SPRR2G: variants seen among roughly 807,000 people sequenced by gnomAD.
SPRR2G encodes small proline-rich protein 2G.
SPRR2G carries 1 observed loss-of-function variant against 0.7 expected under a neutral mutation model. The observed-to-expected ratio is 1.49, with a 90% CI of 0.53 to 7.06. The LOEUF (loss-of-function observed/expected upper bound fraction) is 7.06. Ranked by LOEUF, SPRR2G falls within the 30% of genes most tolerant of loss-of-function variation. The pLI, the probability that SPRR2G is intolerant of heterozygous loss-of-function variation, is 0.14. For missense variants in SPRR2G, 96 were observed against 88.5 expected (o/e 1.09, Z -0.34); for synonymous variants, 38 against 33.9 (o/e 1.12, Z -0.42).
At chr1:153,201,013 G>A in the SPRR2G span, among the ~76,000 whole-genome samples, 1 of 152,110 alleles carries the variant, frequency 6.6e-6, no homozygotes, top group Non-Finnish European at 1.5e-5. Context: ...GCAAAAGCAG[G>A]ATTTAAACCC....
At chr1:153,150,200 A>G in intron 1 of SPRR2G, 69 bp from the exon 2 acceptor site, 2 of 1,583,000 alleles carry the variant, frequency 1.3e-6, no homozygotes, top group African/African-American at 1.3e-5. Flanking sequence ...TAGCTAGGAC[A>G]TCAAATCTCC....
At chr1:153,198,506 C>A in the SPRR2G span, among the ~76,000 whole-genome samples, 168 of 152,294 alleles carry the variant, frequency 1.1e-3, no homozygotes, top group African/African-American at 4.0e-3. Flanking sequence ...AATGTGCCTG[C>A]AGCTCCCAAA....
At chr1:153,178,842 T>C in the SPRR2G span, among the ~76,000 whole-genome samples, 2 of 152,190 alleles carry the variant, frequency 1.3e-5, no homozygotes, top group African/African-American at 4.8e-5. Flanking sequence ...AAATTATGTA[T>C]GATTGAAATT....
upstream of SPRR2G, among the ~76,000 whole-genome samples, chr1:153,152,289 A>G (rs79036222): frequency 3.9e-3 from 596 of 152,252 alleles, 9 homozygotes; most frequent in African/African-American, 0.013. Flanking sequence ...TGCATCCCCC[A>G]TTCTTCTAGC....
chr1:153,155,677 C>T (rs1365696842), upstream of SPRR2G, among the ~76,000 whole-genome samples: 2 of 152,220 alleles, frequency 1.3e-5, no homozygotes, highest in African/African-American at 2.4e-5. Context: ...CCTCTAGCCT[C>T]ATTCCTTATT....
the SPRR2G span, among the ~76,000 whole-genome samples, chr1:153,171,800 T>TA: frequency 3.9e-5 from 6 of 152,090 alleles, no homozygotes; most frequent in Non-Finnish European, 5.9e-5. Flanking sequence ...TACCAAATAA[T>TA]ACAACAAAGC....
the SPRR2G span, among the ~76,000 whole-genome samples, chr1:153,164,266 T>G: frequency 8.5e-5 from 13 of 152,182 alleles, no homozygotes; most frequent in Non-Finnish European, 1.8e-4. Flanking sequence ...TCTAACTGAC[T>G]GATAGGCTGG....
At chr1:153,197,647 C>T in the SPRR2G span, among the ~76,000 whole-genome samples, 72 of 152,272 alleles carry the variant, frequency 4.7e-4, 1 homozygote, top group Admixed American at 3.0e-3. Flanking sequence ...ACAGCATTGC[C>T]CCCCGGCAGA....
At chr1:153,173,215 C>T in the SPRR2G span, among the ~76,000 whole-genome samples, 1 of 152,200 alleles carries the variant, frequency 6.6e-6, no homozygotes, top group African/African-American at 2.4e-5. Flanking sequence ...AATGAGGACA[C>T]AGACCTGAGA....
the SPRR2G span, among the ~76,000 whole-genome samples, chr1:153,163,448 G>C: frequency 1.3e-5 from 2 of 152,160 alleles, no homozygotes; most frequent in Non-Finnish European, 2.9e-5. Context: ...TGGAATTATG[G>C]GTGATAGAGA....
rs1656410976 is a variant in SPRR2G at position 153,149,591 on chromosome 1, C to T, written c.*298G>A. The T allele has an allele frequency of 1.1e-5, 5 of 468,150 alleles. No homozygotes were observed. Among genetic ancestry groups the T allele is most frequent in the Non-Finnish European group, 2.0e-5 (5 of 255,614 alleles). 29.0% of individuals were successfully genotyped at this position (468,150 alleles called of 1,614,324 possible). On this transcript the variant is annotated 3_prime_UTR_variant, in exon 2 of 2. Transcript: ENST00000368748. ...GCAAACAAAAGCAATGTGGGCTTGACCATGAAACATGTGCTTTATTGGGGA... is the reference window on the plus strand; with the variant it reads ...GCAAACAAAAGCAATGTGGGCTTGATCATGAAACATGTGCTTTATTGGGGA...
chr1:153,184,534 GT>G, the SPRR2G span, among the ~76,000 whole-genome samples: 1 of 152,174 alleles, frequency 6.6e-6, no homozygotes, highest in African/African-American at 2.4e-5. Context: ...AAGAATGCTT[GT>G]GATTTTTACA....
the SPRR2G span, among the ~76,000 whole-genome samples, chr1:153,189,906 C>T: frequency 3.2e-3 from 494 of 152,238 alleles, 6 homozygotes; most frequent in African/African-American, 0.011. Context: ...GGCAGCCCCA[C>T]AAAAGCCTCC....
the SPRR2G span, among the ~76,000 whole-genome samples, chr1:153,202,240 CAT>C: frequency 2.6e-5 from 4 of 152,228 alleles, no homozygotes; most frequent in Non-Finnish European, 4.4e-5. Context: ...CGAAACTGCA[CAT>C]GTGACCCATG....
the SPRR2G span, among the ~76,000 whole-genome samples, chr1:153,167,334 C>T: frequency 1.3e-5 from 2 of 151,902 alleles, no homozygotes; most frequent in South Asian, 2.1e-4. Context: ...ATTAGCCAGG[C>T]GTGGTGGCTC....
the SPRR2G span, among the ~76,000 whole-genome samples, chr1:153,194,709 A>G: frequency 6.6e-6 from 1 of 152,172 alleles, no homozygotes; most frequent in Non-Finnish European, 1.5e-5. Context: ...TTGCAATGTG[A>G]GAATGATTGT....
the SPRR2G span, among the ~76,000 whole-genome samples, chr1:153,186,717 A>T: frequency 6.6e-6 from 1 of 152,152 alleles, no homozygotes; most frequent in African/African-American, 2.4e-5. Context: ...TAATATTGTT[A>T]TGTGTGAATT....
the SPRR2G span, among the ~76,000 whole-genome samples, chr1:153,160,093 A>T: frequency 6.6e-6 from 1 of 152,332 alleles, no homozygotes; most frequent in African/African-American, 2.4e-5. Flanking sequence ...GGCAACCACC[A>T]TTCTTTTCTC....
chr1:153,165,157 CATGGATGG>C, the SPRR2G span, among the ~76,000 whole-genome samples: 23 of 149,178 alleles, frequency 1.5e-4, no homozygotes, highest in East Asian at 6.0e-4. Context: ...AGAAAGCAAA[CATGGATGG>C]ATGGATGGAT....
Sources: gnomAD v4.1 joint callset for allele counts (sites outside exome capture counted in the v4.1 genomes callset) on GRCh38, gnomAD v4.1.1 for gene constraint, MANE v1.5 for transcripts, NCBI Gene and HGNC (gene_info 2026-07-23, HGNC 2026-07-21) for gene names.